NECAB1: variants seen among roughly 807,000 people sequenced by gnomAD.
NECAB1 encodes N-terminal EF-hand calcium-binding protein 1.
A neutral mutation model predicts 57.5 loss-of-function variants in NECAB1; 29 were observed. That is an observed-to-expected ratio of 0.50 (90% CI 0.38 to 0.69). NECAB1 has a LOEUF of 0.69. Among genes scored for constraint, NECAB1 ranks in the 30% least tolerant of loss-of-function variants. The pLI is 0.00. For missense variants in NECAB1, 372 were observed against 413.8 expected (o/e 0.90, Z 0.88); for synonymous variants, 142 against 147.7 (o/e 0.96, Z 0.28).
Position 90,929,952 on chromosome 8 carries a change from G to A in NECAB1, c.693+1653G>A, listed in dbSNP as rs551766252. On this transcript the variant is annotated intron_variant, in intron 8 of 12. Transcript: ENST00000417640. The stretch of plus-strand genomic sequence containing the variant: ...ACCGAAGAGGGCCAGATTATGGATA[G>A]CCTCAAATAATAGTCTAAGGAATTT... Among the ~76,000 whole-genome samples the A allele has an allele frequency of 1.1e-4, 16 of 152,228 alleles. No homozygotes were observed. The South Asian group carries it at 3.3e-3, about 32-fold the overall frequency.
rs75844638 is a variant in NECAB1 at position 90,948,856 on chromosome 8, T to C, written c.861-951T>C. Among the ~76,000 whole-genome samples, 323 of 152,332 alleles carry C rather than the reference T, an allele frequency of 2.1e-3. 6 individuals carry two copies. In the East Asian group the frequency reaches 0.05, roughly 24 times the overall value. On this transcript the variant is annotated intron_variant, in intron 10 of 12. Transcript: ENST00000417640. The stretch of plus-strand genomic sequence containing the variant: ...GCCATCGGAAGGATCTTTTAAAATA[T>C]AGCTCTAGCCACGTCACTCTCCCTG...
intron 3 of NECAB1, chr8:90,859,235 CA>C (rs1241103956): frequency 2.0e-5 from 3 of 152,214 alleles, no homozygotes; most frequent in African/African-American, 7.2e-5. Flanking sequence ...CACTGAGCCA[CA>C]AGCACTGCAA....
At chr8:90,917,461 C>T in intron 5 of NECAB1, 31 bp from the exon 6 acceptor site, 4 of 1,556,960 alleles carry the variant, frequency 2.6e-6, no homozygotes, top group Non-Finnish European at 3.5e-6. Flanking sequence ...TTCTACCATA[C>T]TTCTAATTGC....
intron 5 of NECAB1, among the ~76,000 whole-genome samples, chr8:90,906,891 A>ATATATATATATACGTATATATATACG (rs1809680948): frequency 8.8e-6 from 1 of 113,414 alleles, no homozygotes; most frequent in African/African-American, 4.0e-5. Flanking sequence ...ATATATATAT[A>ATATATATATATACGTATATATATACG]TATATATATA....
intron 5 of NECAB1, among the ~76,000 whole-genome samples, chr8:90,887,150 C>T (rs772105274): frequency 6.6e-6 from 1 of 152,104 alleles, no homozygotes; most frequent in Non-Finnish European, 1.5e-5. Context: ...GCTTGAACAT[C>T]GAGAACCTCT....
In NECAB1 at chr8:90,917,533, A is replaced by G; in HGVS notation, c.399A>G (p.Arg133=). Residue 133 remains arginine (R), a synonymous_variant, in exon 6 of 13, where the codon AGA becomes AGG. Transcript: ENST00000417640. ...CCAATTTGGAACAATTCGTAACTAG[A>G]TTTTTATTGAAGGAAACCCTGAATC... The part of the protein sequence containing the change: ...EASNLEQFVT[R]FLLKETLNQL... 6.2e-7 allele frequency: 1 copy of G among 1,612,130 alleles called. No homozygotes were observed. The highest frequency in any genetic ancestry group is 8.5e-7 in the Non-Finnish European group (1 of 1,178,838).
At chr8:90,852,543 A>C (rs1357747535) in intron 3 of NECAB1, among the ~76,000 whole-genome samples, 1 of 152,060 alleles carries the variant, frequency 6.6e-6, no homozygotes, top group African/African-American at 2.4e-5. Flanking sequence ...TTGTTTTCCC[A>C]TTCAAATGTT....
intron 5 of NECAB1, among the ~76,000 whole-genome samples, chr8:90,889,612 T>C (rs1432952564): frequency 6.6e-6 from 1 of 152,222 alleles, no homozygotes. Context: ...GGAGTTGCTT[T>C]TGAGCTCACT....
At chr8:90,872,301 T>G in intron 4 of NECAB1, 148 bp downstream of exon 4, 2 of 638,622 alleles carry the variant, frequency 3.1e-6, no homozygotes, top group Non-Finnish European at 2.5e-6. Context: ...GATTTATCTT[T>G]ACCCGTGAAT....
At chr8:90,802,504 T>C (rs1811775931) in intron 2 of NECAB1, among the ~76,000 whole-genome samples, 1 of 152,224 alleles carries the variant, frequency 6.6e-6, no homozygotes, top group South Asian at 2.1e-4. Flanking sequence ...ATGGTAGAGG[T>C]ATATTCTTGA....
At position 90,949,003 on chromosome 8, in the gene NECAB1, C is replaced by T. The variant is rs16893493; in HGVS notation, c.861-804C>T. On this transcript the variant is annotated intron_variant, in intron 10 of 12. Coordinates refer to ENST00000417640, the MANE Select transcript of NECAB1 (RefSeq NM_022351.5). ...AACATATTATGTAGACTTTTTCCTC[C>T]TTCGGGCTAGTCAAAGGACTGGAAG... Among the ~76,000 whole-genome samples, 832 of 152,226 alleles carry T rather than the reference C, an allele frequency of 5.5e-3. 38 individuals carry two copies. The East Asian group carries it at 0.092, about 17-fold the overall frequency.
At chr8:90,798,515 G>T (rs773992470) in intron 1 of NECAB1, among the ~76,000 whole-genome samples, 17 of 152,110 alleles carry the variant, frequency 1.1e-4, no homozygotes, top group Non-Finnish European at 7.4e-5. Flanking sequence ...TGTACCCAAT[G>T]TTTAGCTCCC....
Position 90,881,073 on chromosome 8 carries a change from A to G in NECAB1, c.300A>G (p.Leu100=). The G allele has an allele frequency of 6.2e-7, 1 of 1,607,914 alleles. No individual in the cohort carries two copies. Among genetic ancestry groups the G allele is most frequent in the East Asian group, 2.2e-5 (1 of 44,698 alleles). Residue 100 remains leucine (L), a synonymous_variant, in exon 5 of 13, where the codon CTA becomes CTG. Transcript: ENST00000417640. ...SQHLGEYENV[L]AALEDLNLSI... is the part of the protein sequence containing the mutation. ...ACTTGGGCGAGTATGAGAATGTACT[A>G]GCAGCACTTGAAGACCTGAATCTTT...
chr8:90,866,461 T>C (rs1251651974), intron 3 of NECAB1, among the ~76,000 whole-genome samples: 1 of 152,146 alleles, frequency 6.6e-6, no homozygotes, highest in African/African-American at 2.4e-5. Flanking sequence ...GACTGAAAAA[T>C]ATTCTTCTGC....
In NECAB1 at chr8:90,958,840, G is replaced by A. The variant is rs1811079769; in HGVS notation, c.*3328G>A. On this transcript the variant is annotated 3_prime_UTR_variant, in exon 13 of 13. Coordinates refer to ENST00000417640, the MANE Select transcript of NECAB1 (RefSeq NM_022351.5). Reference sequence around the variant, plus strand: ...CCTCCTGCAAAGCTGAAACTGATTAGAAAATTCTTTATATTTTAAAATAGC... The same window carrying A: ...CCTCCTGCAAAGCTGAAACTGATTAAAAAATTCTTTATATTTTAAAATAGC... The A allele has an allele frequency of 4.2e-6, 2 of 471,212 alleles. No individual in the cohort carries two copies. Among genetic ancestry groups the A allele is most frequent in the Non-Finnish European group, 7.1e-6 (2 of 281,346 alleles). 29.2% of individuals were successfully genotyped at this position (471,212 alleles called of 1,614,324 possible).
Position 90,841,884 on chromosome 8 carries a change from C to T in NECAB1, c.233+17059C>T, listed in dbSNP as rs190118693. ...AGGCTTTAACAGTCAGGAGCCCATG[C>T]AGTTCTCTAAAAGGTGGACCCTGAA... On this transcript the variant is annotated intron_variant, in intron 3 of 12. Transcript: ENST00000417640. 3.6e-3 allele frequency among the ~76,000 whole-genome samples: 544 copies of T among 152,276 alleles called. 1 individual carries two copies. Among genetic ancestry groups the T allele is most frequent in the Non-Finnish European group, 6.3e-3 (426 of 68,016 alleles).
intron 3 of NECAB1, among the ~76,000 whole-genome samples, chr8:90,851,231 G>A (rs1812675982): frequency 6.6e-6 from 1 of 152,158 alleles, no homozygotes; most frequent in South Asian, 2.1e-4. Context: ...GCTGTTCCTG[G>A]GTTGTATCCT....
At chr8:90,929,320 CTT>C (rs1810351461) in intron 8 of NECAB1, among the ~76,000 whole-genome samples, 1 of 152,010 alleles carries the variant, frequency 6.6e-6, no homozygotes, top group Non-Finnish European at 1.5e-5. Context: ...AAAATGGTGA[CTT>C]AATTAAAAAT....
intron 3 of NECAB1, among the ~76,000 whole-genome samples, chr8:90,866,211 T>C (rs1175310772): frequency 3.3e-5 from 5 of 152,204 alleles, no homozygotes; most frequent in Admixed American, 6.5e-5. Context: ...TCTTTATGAA[T>C]TGAGAGATTA....
Sources: allele counts gnomAD v4.1 joint callset (sites outside exome capture counted in the v4.1 genomes callset), GRCh38; gene constraint gnomAD v4.1.1; transcripts MANE v1.5; gene names NCBI Gene and HGNC (gene_info 2026-07-23, HGNC 2026-07-21).